Variants in PIP4K2A observed in about 807,000 individuals in gnomAD.
The protein encoded by PIP4K2A is phosphatidylinositol 5-phosphate 4-kinase type-2 alpha.
PIP4K2A carries 14 observed loss-of-function variants against 42.9 expected under a neutral mutation model. The observed-to-expected ratio is 0.33, with a 90% CI of 0.22 to 0.51. The LOEUF (loss-of-function observed/expected upper bound fraction) is 0.51. Ranked by LOEUF, PIP4K2A falls within the 20% of genes least tolerant of loss-of-function variation. The pLI, the probability that PIP4K2A is intolerant of heterozygous loss-of-function variation, is 0.97. For synonymous variants in PIP4K2A, 192 were observed against 192.2 expected, an observed-to-expected ratio of 1.00 and a Z score of 0.01; for missense variants, 434 against 519.8, an observed-to-expected ratio of 0.83 and a Z score of 1.61.
chr10:22,708,720 T>C (rs1833861900), intron 1 of PIP4K2A, among the ~76,000 whole-genome samples: 1 of 152,148 alleles, frequency 6.6e-6, no homozygotes, highest in Admixed American at 6.5e-5. Context: ...CCCGAGAGTA[T>C]GATAAATGCA....
intron 3 of PIP4K2A, among the ~76,000 whole-genome samples, chr10:22,603,525 C>A (rs1012275172): frequency 2.6e-5 from 4 of 152,000 alleles, no homozygotes; most frequent in African/African-American, 9.7e-5. Context: ...TCATGAAGAA[C>A]ATTACAAATC....
intron 1 of PIP4K2A, among the ~76,000 whole-genome samples, chr10:22,683,783 G>A (rs920755623): frequency 6.7e-6 from 1 of 149,918 alleles, no homozygotes; most frequent in African/African-American, 2.5e-5. Flanking sequence ...TCTTTCAGTC[G>A]CCCCTCCCTT....
At chr10:22,681,324 A>T (rs910310360) in intron 1 of PIP4K2A, among the ~76,000 whole-genome samples, 3 of 152,054 alleles carry the variant, frequency 2.0e-5, no homozygotes, top group East Asian at 1.9e-4. Context: ...GTTGGAGGGG[A>T]CCTCTGTCTC....
Position 22,537,003 on chromosome 10 carries a change from T to C in PIP4K2A, c.*198A>G, listed in dbSNP as rs532721808. 2.0e-5 allele frequency: 9 copies of C among 460,572 alleles called. No individual in the cohort carries two copies. The highest frequency in any genetic ancestry group is 1.6e-4 in the South Asian group (7 of 44,670). 28.5% of individuals were successfully genotyped at this position (460,572 alleles called of 1,614,324 possible). ...ACACACATATACACAAAGTCAGAAA[T>C]AGCTAGAACGATGCTGGGAAAATCA... On this transcript the variant is annotated 3_prime_UTR_variant, in exon 10 of 10. Transcript: ENST00000376573.
In PIP4K2A at chr10:22,643,672, A is replaced by C. The variant is rs1838825442; in HGVS notation, c.145-33955T>G. ...CCTAACGCTGAACCTTTATCTTTTCATGCCAGCCAAATTCTGATTGTCCCC... is the reference window on the plus strand; with the variant it reads ...CCTAACGCTGAACCTTTATCTTTTCCTGCCAGCCAAATTCTGATTGTCCCC... On this transcript the variant is annotated intron_variant, in intron 1 of 9. Transcript: ENST00000376573. Among the ~76,000 whole-genome samples the C allele has an allele frequency of 2.0e-5, 3 of 152,040 alleles. No homozygotes were observed. In the South Asian group the frequency reaches 6.2e-4, roughly 32 times the overall value.
At chr10:22,659,109 T>C (rs1345241431) in intron 1 of PIP4K2A, among the ~76,000 whole-genome samples, 1 of 152,238 alleles carries the variant, frequency 6.6e-6, no homozygotes, top group African/African-American at 2.4e-5. Flanking sequence ...TCCCTCTGCA[T>C]AACATGAACA....
chr10:22,706,899 C>A (rs1833833442), intron 1 of PIP4K2A, among the ~76,000 whole-genome samples: 1 of 151,990 alleles, frequency 6.6e-6, no homozygotes, highest in African/African-American at 2.4e-5. Context: ...CCAAGAACAA[C>A]GATGATGTTC....
intron 6 of PIP4K2A, among the ~76,000 whole-genome samples, chr10:22,556,057 T>C (rs1836535605): frequency 6.6e-6 from 1 of 152,236 alleles, no homozygotes; most frequent in African/African-American, 2.4e-5. Flanking sequence ...TTAGGTTTTA[T>C]CTGCTAGTTA....
At chr10:22,609,554 A>G in intron 2 of PIP4K2A, 66 bp downstream of exon 2, 2 of 897,854 alleles carry the variant, frequency 2.2e-6, no homozygotes, top group Non-Finnish European at 3.7e-6. Context: ...TGTGATTACA[A>G]AAATTCACAA....
At chr10:22,650,480 T>C (rs1263574752) in intron 1 of PIP4K2A, among the ~76,000 whole-genome samples, 1 of 151,960 alleles carries the variant, frequency 6.6e-6, no homozygotes, top group African/African-American at 2.4e-5. Flanking sequence ...TTCATAACTA[T>C]AAAATGGAAG....
intron 1 of PIP4K2A, among the ~76,000 whole-genome samples, chr10:22,657,512 G>C (rs1053323328): frequency 6.6e-6 from 1 of 152,158 alleles, no homozygotes. Context: ...TCACCTGAAG[G>C]ATCTTCAAAA....
intron 1 of PIP4K2A, among the ~76,000 whole-genome samples, chr10:22,625,681 T>C (rs139888874): frequency 3.3e-5 from 5 of 152,306 alleles, no homozygotes; most frequent in Non-Finnish European, 7.4e-5. Flanking sequence ...TCCTGGCATT[T>C]AGTTGGCAGT....
At chr10:22,671,588 T>C (rs1425192829) in intron 1 of PIP4K2A, among the ~76,000 whole-genome samples, 1 of 152,056 alleles carries the variant, frequency 6.6e-6, no homozygotes, top group South Asian at 2.1e-4. Context: ...ATTAGGGGCA[T>C]TGTAAGAGAA....
intron 3 of PIP4K2A, among the ~76,000 whole-genome samples, chr10:22,599,364 TA>T (rs1299373540): frequency 3.3e-5 from 5 of 152,220 alleles, no homozygotes; most frequent in Non-Finnish European, 5.9e-5. Flanking sequence ...TTTGTCTCTA[TA>T]TATCTGCCCA....
chr10:22,590,877 A>C (rs1299736777), intron 4 of PIP4K2A, among the ~76,000 whole-genome samples: 1 of 152,160 alleles, frequency 6.6e-6, no homozygotes, highest in Non-Finnish European at 1.5e-5. Context: ...TCTAAAAAAC[A>C]ACCAAGACCA....
intron 1 of PIP4K2A, among the ~76,000 whole-genome samples, chr10:22,627,789 G>A (rs1838477416): frequency 6.6e-6 from 1 of 151,948 alleles, no homozygotes; most frequent in South Asian, 2.1e-4. Flanking sequence ...TTTATTTGAG[G>A]ACTCTAGTAA....
intron 4 of PIP4K2A, among the ~76,000 whole-genome samples, chr10:22,586,652 T>A (rs1228789985): frequency 6.6e-6 from 1 of 152,136 alleles, no homozygotes; most frequent in Non-Finnish European, 1.5e-5. Context: ...TGCCTCAGCC[T>A]CCCGAGTAGC....
At chr10:22,601,164 C>CAAAAAAAA (rs1226127427) in intron 3 of PIP4K2A, among the ~76,000 whole-genome samples, 6 of 57,662 alleles carry the variant, frequency 1.0e-4, no homozygotes, top group South Asian at 6.2e-4. Flanking sequence ...AAAAAAAAAA[C>CAAAAAAAA]AAACCAGGAA....
intron 1 of PIP4K2A, among the ~76,000 whole-genome samples, chr10:22,699,188 C>G (rs1183869440): frequency 6.6e-6 from 1 of 152,166 alleles, no homozygotes; most frequent in Admixed American, 6.6e-5. Context: ...GAAACAATAT[C>G]TGTTTCCCAA....
Sources: allele counts gnomAD v4.1 joint callset (sites outside exome capture counted in the v4.1 genomes callset), GRCh38; gene constraint gnomAD v4.1.1; transcripts MANE v1.5; gene names NCBI Gene and HGNC (gene_info 2026-07-23, HGNC 2026-07-21).